The following CSMD1 variants were observed in gnomAD, a reference collection of about 807,000 sequenced individuals.
The protein encoded by CSMD1 is CUB and Sushi multiple domains 1.
In CSMD1, 213 loss-of-function variants were observed where a neutral mutation model predicts 417.5. The observed-to-expected ratio is 0.51, with a 90% CI of 0.46 to 0.57. The LOEUF (loss-of-function observed/expected upper bound fraction) is 0.57. Ranked by LOEUF, CSMD1 falls within the 20% of genes least tolerant of loss-of-function variation. The pLI, the probability that CSMD1 is intolerant of heterozygous loss-of-function variation, is 0.00. For missense variants in CSMD1, 6,923 were observed against 4,529.7 expected, an observed-to-expected ratio of 1.53 and a Z score of -15.17; for synonymous variants, 2,862 against 1,736.8, an observed-to-expected ratio of 1.65 and a Z score of -16.11.
intron 55 of CSMD1, among the ~76,000 whole-genome samples, chr8:2,974,858 G>C (rs1804788375): frequency 6.6e-6 from 1 of 152,120 alleles, no homozygotes; most frequent in Non-Finnish European, 1.5e-5. Context: ...TGCTAAGGTA[G>C]CTTTCCTTAT....
intron 3 of CSMD1, among the ~76,000 whole-genome samples, chr8:4,419,720 C>T (rs2128939527): frequency 6.6e-6 from 1 of 152,146 alleles, no homozygotes; most frequent in Non-Finnish European, 1.5e-5. Flanking sequence ...AAAACAAAAC[C>T]CCAAGAAGAA....
intron 18 of CSMD1, among the ~76,000 whole-genome samples, chr8:3,371,564 G>T (rs1809948838): frequency 6.6e-6 from 1 of 151,522 alleles, no homozygotes; most frequent in Non-Finnish European, 1.5e-5. Context: ...CTATCATGAA[G>T]TAAATGATAC....
chr8:3,984,240 C>G (rs1208451481), intron 5 of CSMD1, among the ~76,000 whole-genome samples: 1 of 141,230 alleles, frequency 7.1e-6, no homozygotes, highest in African/African-American at 2.6e-5. Context: ...TCCTGCAAAG[C>G]GAGTGGCAAG....
At chr8:4,862,419 G>A (rs1038670788) in intron 1 of CSMD1, among the ~76,000 whole-genome samples, 5 of 152,076 alleles carry the variant, frequency 3.3e-5, no homozygotes, top group African/African-American at 9.7e-5. Flanking sequence ...TGAAGTAGAT[G>A]ATGAACTCTG....
intron 3 of CSMD1, among the ~76,000 whole-genome samples, chr8:4,376,658 G>A (rs1275884033): frequency 6.6e-6 from 1 of 152,128 alleles, no homozygotes; most frequent in Admixed American, 6.6e-5. Context: ...CTATAGCCGT[G>A]CTCATATCAC....
chr8:3,262,897 G>C (rs780496925), intron 26 of CSMD1, among the ~76,000 whole-genome samples: 6 of 152,166 alleles, frequency 3.9e-5, no homozygotes, highest in Non-Finnish European at 7.3e-5. Flanking sequence ...GAGGGAATGT[G>C]AACTTCATTG....
intron 1 of CSMD1, among the ~76,000 whole-genome samples, chr8:4,677,598 T>C (rs1421207809): frequency 3.3e-5 from 5 of 152,318 alleles, no homozygotes; most frequent in African/African-American, 9.6e-5. Context: ...AATTTTTCTT[T>C]ATAGCATTTA....
chr8:3,779,379 G>C (rs1799057542), intron 5 of CSMD1, among the ~76,000 whole-genome samples: 1 of 151,974 alleles, frequency 6.6e-6, no homozygotes, highest in African/African-American at 2.4e-5. Flanking sequence ...GATGAAGAAG[G>C]GGCTTCAGAA....
At chr8:3,375,891 A>T (rs1296105605) in intron 18 of CSMD1, among the ~76,000 whole-genome samples, 2 of 152,138 alleles carry the variant, frequency 1.3e-5, no homozygotes, top group Non-Finnish European at 2.9e-5. Flanking sequence ...CTCAGTTTAT[A>T]ACCATTTCTT....
At chr8:4,213,931 C>G (rs755080616) in intron 3 of CSMD1, among the ~76,000 whole-genome samples, 5 of 152,198 alleles carry the variant, frequency 3.3e-5, no homozygotes, top group Non-Finnish European at 5.9e-5. Flanking sequence ...TAATTAGACA[C>G]TAGCATACGA....
At chr8:3,368,097 G>A (rs1213701898) in intron 19 of CSMD1, among the ~76,000 whole-genome samples, 1 of 152,148 alleles carries the variant, frequency 6.6e-6, no homozygotes, top group Non-Finnish European at 1.5e-5. Flanking sequence ...ACTGTGAACA[G>A]ATAACTTCTA....
At chr8:3,345,409 T>C (rs1168998326) in intron 22 of CSMD1, among the ~76,000 whole-genome samples, 4 of 150,176 alleles carry the variant, frequency 2.7e-5, no homozygotes, top group Non-Finnish European at 5.9e-5. Flanking sequence ...CCAGAGAAAG[T>C]GTATGTCGTT....
intron 7 of CSMD1, among the ~76,000 whole-genome samples, chr8:3,692,221 G>A (rs1339755621): frequency 1.3e-5 from 2 of 152,108 alleles, no homozygotes; most frequent in East Asian, 3.9e-4. Flanking sequence ...TCAGTGTCCT[G>A]GGGGCAAAAT....
At chr8:3,227,550 A>G (rs949425225) in intron 27 of CSMD1, among the ~76,000 whole-genome samples, 3 of 152,230 alleles carry the variant, frequency 2.0e-5, no homozygotes, top group African/African-American at 7.2e-5. Flanking sequence ...CAACTTAATT[A>G]TACAATAATA....
At chr8:4,988,750 G>T (rs778178161) in intron 1 of CSMD1, among the ~76,000 whole-genome samples, 2 of 152,192 alleles carry the variant, frequency 1.3e-5, no homozygotes, top group Non-Finnish European at 2.9e-5. Context: ...GATACAAATG[G>T]TTTAAAGAAA....
chr8:4,133,237 G>A (rs1413929879), intron 3 of CSMD1, among the ~76,000 whole-genome samples: 2 of 152,066 alleles, frequency 1.3e-5, no homozygotes, highest in South Asian at 2.1e-4. Flanking sequence ...TGCCCAGCTG[G>A]TAAACATCTA....
rs1008637188 is a variant in CSMD1, at chr8:4,916,889, A to G, written c.85+77443T>C. ...CAGAAAGGAATCCTTTGTCAGCATT[A>G]CAGTTTTTGACTGGTGATGGATACC... On this transcript the variant is annotated intron_variant, in intron 1 of 69. Coordinates refer to ENST00000635120, the MANE Select transcript of CSMD1 (RefSeq NM_033225.6). Among the ~76,000 whole-genome samples, 8 of 152,366 alleles carry G rather than the reference A, an allele frequency of 5.3e-5. No homozygotes were observed. In the South Asian group the frequency reaches 1.7e-3, roughly 32 times the overall value.
chr8:3,194,843 G>A (rs955637553), intron 33 of CSMD1, among the ~76,000 whole-genome samples: 5 of 151,942 alleles, frequency 3.3e-5, no homozygotes, highest in African/African-American at 1.2e-4. Context: ...AAGAAGCCTT[G>A]AGCTCCTGAG....
At chr8:3,755,572 C>T (rs1409702858) in intron 5 of CSMD1, among the ~76,000 whole-genome samples, 3 of 152,092 alleles carry the variant, frequency 2.0e-5, no homozygotes, top group Non-Finnish European at 4.4e-5. Context: ...AGCTGAGGAC[C>T]TGATTTCTAC....
Sources: allele counts gnomAD v4.1 joint callset (sites outside exome capture counted in the v4.1 genomes callset), GRCh38; gene constraint gnomAD v4.1.1; transcripts MANE v1.5; gene names NCBI Gene and HGNC (gene_info 2026-07-23, HGNC 2026-07-21).